DNAH6: variants seen among roughly 807,000 people sequenced by gnomAD.
The protein encoded by DNAH6 is dynein axonemal heavy chain 6, also known as axonemal beta dynein heavy chain 6.
A neutral mutation model predicts 491.4 loss-of-function variants in DNAH6; 340 were observed. That is an observed-to-expected ratio of 0.69 (90% CI 0.63 to 0.76). The LOEUF (loss-of-function observed/expected upper bound fraction) is 0.76. DNAH6 is among the 30% of genes least tolerant of loss of function. The pLI is 0.00. For synonymous variants in DNAH6, 1,603 were observed against 1,686.1 expected, an observed-to-expected ratio of 0.95 and a Z score of 1.21; for missense variants, 4,443 against 4,972.2, an observed-to-expected ratio of 0.89 and a Z score of 3.20.
chr2:84,644,849 C>A (rs533378039), intron 33 of DNAH6, among the ~76,000 whole-genome samples: 15 of 152,164 alleles, frequency 9.9e-5, no homozygotes, highest in African/African-American at 3.6e-4. Flanking sequence ...CATTGATGGG[C>A]TTTTAGGTTG....
intron 18 of DNAH6, among the ~76,000 whole-genome samples, chr2:84,602,286 C>T (rs1209147876): frequency 6.6e-6 from 1 of 151,782 alleles, no homozygotes; most frequent in Non-Finnish European, 1.5e-5. Flanking sequence ...GATTAATTTC[C>T]TCGGTTTTTA....
intron 4 of DNAH6, among the ~76,000 whole-genome samples, chr2:84,542,677 C>T (rs1230791144): frequency 6.6e-6 from 1 of 152,120 alleles, no homozygotes; most frequent in African/African-American, 2.4e-5. Flanking sequence ...ATTTTTGTTA[C>T]TCAGTTTTAT....
chr2:84,706,786 T>C, intron 52 of DNAH6, 110 bp from the exon 53 acceptor site: 1 of 1,285,670 alleles, frequency 7.8e-7, no homozygotes, highest in East Asian at 2.9e-5. Flanking sequence ...AAAGTCTTTT[T>C]GGACATGAAA....
chr2:84,593,491 G>A (rs1486326651), intron 16 of DNAH6, among the ~76,000 whole-genome samples: 2 of 152,090 alleles, frequency 1.3e-5, no homozygotes, highest in African/African-American at 4.8e-5. Context: ...TAAAGTCGTG[G>A]TTAGAAAAGA....
At chr2:84,477,012 G>T in the DNAH6 span, among the ~76,000 whole-genome samples, 11 of 152,130 alleles carry the variant, frequency 7.2e-5, no homozygotes, top group African/African-American at 2.4e-4. Flanking sequence ...GGTCTTTGTC[G>T]CCCCACGTTG....
At chr2:84,665,950 C>T (rs1692083521) in intron 37 of DNAH6, among the ~76,000 whole-genome samples, 1 of 152,122 alleles carries the variant, frequency 6.6e-6, no homozygotes, top group South Asian at 2.1e-4. Flanking sequence ...GTTCAGCATA[C>T]ACAAATCAAT....
intron 62 of DNAH6, among the ~76,000 whole-genome samples, chr2:84,742,345 T>C (rs557080135): frequency 6.6e-6 from 1 of 152,374 alleles, no homozygotes; most frequent in Non-Finnish European, 1.5e-5. Context: ...GTCTTTCTTT[T>C]AACAGACAAA....
At chr2:84,470,943 C>G in the DNAH6 span, among the ~76,000 whole-genome samples, 3 of 152,110 alleles carry the variant, frequency 2.0e-5, no homozygotes, top group African/African-American at 4.8e-5. Flanking sequence ...AAAGAAACAG[C>G]TGATGAGAAT....
Position 84,549,943 on chromosome 2 carries a change from A to G in DNAH6, c.1371A>G (p.Val457=). ...AGAACACAATGCACATCTTAACGGT[A>G]AATGCTGTTAATTCGCTTTTGAACC... ...LIENTMHILT[V]NAVNSLLNHL... is the part of the protein sequence containing the mutation. The change falls in exon 9 of 77, where the codon GTA becomes GTG. Residue 457 remains valine, a synonymous_variant. Transcript: ENST00000389394. 1 of 1,613,998 alleles carries G rather than the reference A, an allele frequency of 6.2e-7. No individual in the cohort carries two copies. Among genetic ancestry groups the G allele is most frequent in the South Asian group, 1.1e-5 (1 of 91,074 alleles).
chr2:84,653,294 A>G (rs1001303384), intron 33 of DNAH6, 25 bp from the exon 34 acceptor site: 1 of 1,467,664 alleles, frequency 6.8e-7, no homozygotes, highest in African/African-American at 1.4e-5. Context: ...GTTGTTCCTA[A>G]TTGATTTTAT....
chr2:84,718,412 G>A, intron 59 of DNAH6, 28 bp downstream of exon 59: 1 of 1,482,602 alleles, frequency 6.7e-7, no homozygotes, highest in Non-Finnish European at 9.0e-7. Flanking sequence ...AGTACTTATG[G>A]AAAGTATGTT....
At chr2:84,775,440 A>G (rs1676027866) in intron 64 of DNAH6, among the ~76,000 whole-genome samples, 1 of 152,138 alleles carries the variant, frequency 6.6e-6, no homozygotes, top group Admixed American at 6.6e-5. Flanking sequence ...TTTCGCATCT[A>G]TGTTCATCAT....
intron 57 of DNAH6, 35 bp from the exon 58 acceptor site, chr2:84,715,525 T>G: frequency 6.5e-7 from 1 of 1,543,780 alleles, no homozygotes; most frequent in Non-Finnish European, 8.8e-7. Flanking sequence ...AGTTTGCACT[T>G]AAGCATTTTT....
intron 19 of DNAH6, among the ~76,000 whole-genome samples, chr2:84,605,152 C>A (rs1685629121): frequency 6.6e-6 from 1 of 151,018 alleles, no homozygotes; most frequent in Non-Finnish European, 1.5e-5. Flanking sequence ...TCAAGACTAT[C>A]CTGGCTAGCA....
At chr2:84,791,552 C>T (rs1677746017) in intron 68 of DNAH6, among the ~76,000 whole-genome samples, 1 of 151,644 alleles carries the variant, frequency 6.6e-6, no homozygotes, top group South Asian at 2.1e-4. Context: ...TGCAAATGGA[C>T]ACAAGATTTC....
chr2:84,513,084 G>C (rs562690003), upstream of DNAH6, among the ~76,000 whole-genome samples: 1 of 147,826 alleles, frequency 6.8e-6, no homozygotes, highest in Non-Finnish European at 1.5e-5. Context: ...TTTTTTAAGT[G>C]TACCATTTTG....
At chr2:84,816,879 A>C (rs918634561) in intron 76 of DNAH6, among the ~76,000 whole-genome samples, 1 of 152,158 alleles carries the variant, frequency 6.6e-6, no homozygotes, top group African/African-American at 2.4e-5. Flanking sequence ...GAGAAGAGAG[A>C]ATGAACTGGG....
intron 59 of DNAH6, among the ~76,000 whole-genome samples, chr2:84,718,992 AT>A (rs1370316347): frequency 6.6e-6 from 1 of 152,242 alleles, no homozygotes; most frequent in Non-Finnish European, 1.5e-5. Context: ...TCAGTAAATT[AT>A]TTCTCAGATT....
At chr2:84,518,567 A>G (rs1675816177) in intron 2 of DNAH6, among the ~76,000 whole-genome samples, 1 of 152,252 alleles carries the variant, frequency 6.6e-6, no homozygotes. Flanking sequence ...CCTCTCCACC[A>G]TTAGACGTTA....
Sources: gnomAD v4.1 joint callset for allele counts (sites outside exome capture counted in the v4.1 genomes callset) on GRCh38, gnomAD v4.1.1 for gene constraint, MANE v1.5 for transcripts, NCBI Gene and HGNC (gene_info 2026-07-23, HGNC 2026-07-21) for gene names.